The following ADPRHL1 variants were observed in gnomAD, a reference collection of about 807,000 sequenced individuals.
ADPRHL1 encodes the protein ADP-ribosylhydrolase like 1.
Under a neutral mutation model 44.1 loss-of-function variants are expected in ADPRHL1, and 43 were observed. The ratio of observed to expected loss-of-function variants is 0.98; its 90% CI spans 0.76 to 1.26. ADPRHL1 has a LOEUF of 1.26. Ranked by LOEUF, ADPRHL1 falls within the 50% of genes most tolerant of loss-of-function variation. The pLI, the probability that ADPRHL1 is intolerant of heterozygous loss-of-function variation, is 0.00. For synonymous variants in ADPRHL1, 878 were observed against 1,017.4 expected (o/e 0.86, Z 2.61); for missense variants, 2,022 against 2,496.9 (o/e 0.81, Z 4.05).
chr13:113,399,884 C>A lies in ADPRHL1; in HGVS notation c.*3494G>T, dbSNP rs2043743280. The A allele has an allele frequency of 6.6e-6, 1 of 151,842 alleles. No individual in the cohort carries two copies. The highest frequency in any genetic ancestry group is 6.6e-5 in the Admixed American group (1 of 15,216). The allele number at this position is 151,842 out of a possible 1,614,324, so 9.4% of individuals were successfully genotyped here. A position where few individuals can be genotyped will look rare whatever the true frequency, so the allele number is the denominator to read the frequency against. On this transcript the variant is annotated 3_prime_UTR_variant, in exon 8 of 8. Transcript: ENST00000612156. The stretch of plus-strand genomic sequence containing the variant: ...GAGCGTGTAAAATCCCAGACAACGA[C>A]CCTCCCTGAGCGAGTGTCCTGAACA...
rs955332000 is a variant in ADPRHL1 at position 113,404,848 on chromosome 13, C to G, written c.4434G>C (p.Gly1478=). 1 of 1,248,386 alleles carries G rather than the reference C, an allele frequency of 8.0e-7. No individual in the cohort carries two copies. The highest frequency in any genetic ancestry group is 3.7e-5 in the South Asian group (1 of 27,376). The allele number at this position is 1,248,386 out of a possible 1,614,324, so 77.3% of individuals were successfully genotyped here. A position where few individuals can be genotyped will look rare whatever the true frequency, so the allele number is the denominator to read the frequency against. The stretch of plus-strand genomic sequence containing the variant: ...GTCCTTGGGCTGCCGGGCTTCCCGG[C>G]CCCTCGGGCTCCCCTGGAGGCACAG... ...NPAVPPGEPE[G]PGSPAAQGQA... The change falls in exon 8 of 8, where the codon GGG becomes GGC. Residue 1478 remains glycine, a synonymous_variant. Coordinates refer to ENST00000612156, the MANE Select transcript of ADPRHL1 (RefSeq NM_001394807.1).
chr13:113,415,243 G>A (rs1390993817), intron 7 of ADPRHL1, among the ~76,000 whole-genome samples: 3 of 152,206 alleles, frequency 2.0e-5, no homozygotes, highest in Non-Finnish European at 2.9e-5. Context: ...GGACCTGCCC[G>A]TGTCCGGGTG....
chr13:113,425,971 A>G (rs962587176), intron 4 of ADPRHL1, among the ~76,000 whole-genome samples: 1 of 152,218 alleles, frequency 6.6e-6, no homozygotes, highest in African/African-American at 2.4e-5. Flanking sequence ...GTGAGCCACC[A>G]TGCCCAGCCT....
chr13:113,430,860 C>T lies in ADPRHL1; in HGVS notation c.506-1768G>A, dbSNP rs548173746. Among the ~76,000 whole-genome samples, 10 of 152,226 alleles carry T rather than the reference C, an allele frequency of 6.6e-5. No homozygotes were observed. The East Asian group carries it at 9.7e-4, about 15-fold the overall frequency. On this transcript the variant is annotated intron_variant, in intron 3 of 7. Coordinates refer to ENST00000612156, the MANE Select transcript of ADPRHL1 (RefSeq NM_001394807.1). ...TGTGGTGGTGGCAGTAGTTACAGTG[C>T]GAGTGGCCATGCAGGGGAGCAGTGA...
intron 1 of ADPRHL1, among the ~76,000 whole-genome samples, chr13:113,450,930 A>G (rs1268336249): frequency 6.7e-6 from 1 of 149,196 alleles, no homozygotes; most frequent in Non-Finnish European, 1.5e-5. Context: ...AGTCTTCTCT[A>G]AACTCCCCTG....
rs1261788933 is a variant in ADPRHL1 at position 113,403,780 on chromosome 13, C to T, written c.5502G>A (p.Arg1834=). 1 of 1,233,356 alleles carries T rather than the reference C, an allele frequency of 8.1e-7. No homozygotes were observed. The highest frequency in any genetic ancestry group is 3.2e-5 in the East Asian group (1 of 31,742). 76.4% of individuals were successfully genotyped at this position (1,233,356 alleles called of 1,614,324 possible). A position where few individuals can be genotyped will look rare whatever the true frequency, so the allele number is the denominator to read the frequency against. ...GGGCTGGGCTTCTGGACCCCCCACT[C>T]CTGCCAGCAGCATCCACTCCCTCAG... ...GIAEGVDAAG[R]SGGSRSPAPR... The change falls in exon 8 of 8, where the codon AGG becomes AGA. Residue 1834 remains arginine, a synonymous_variant. Coordinates refer to ENST00000612156, the MANE Select transcript of ADPRHL1 (RefSeq NM_001394807.1).
At position 113,453,147 on chromosome 13, in the gene ADPRHL1, C is replaced by T. The variant is rs1014746371; in HGVS notation, c.214+77G>A. 1.2e-5 allele frequency: 18 copies of T among 1,530,554 alleles called. No homozygotes were observed. The highest frequency in any genetic ancestry group is 1.4e-5 in the African/African-American group (1 of 73,088). The allele number at this position is 1,530,554 out of a possible 1,614,324, so 94.8% of individuals were successfully genotyped here. On this transcript the variant is annotated intron_variant, in intron 1 of 7. Coordinates refer to ENST00000612156, the MANE Select transcript of ADPRHL1 (RefSeq NM_001394807.1). This position sits in a 1 kb window ranked among gnomAD's most constrained non-coding sequence, Gnocchi z 5.4. Reference sequence around the variant, plus strand: ...AGGACCGCACTGCCTTCAAAGCTCTCGGAGGCTTACTGGGAGAACTCGAGC... The same window carrying T: ...AGGACCGCACTGCCTTCAAAGCTCTTGGAGGCTTACTGGGAGAACTCGAGC...
Position 113,404,386 on chromosome 13 carries a change from G to T in ADPRHL1, c.4896C>A (p.Thr1632=). ...IKAQKWAQEQ[T]QKGAQERVQG... is the part of the protein sequence containing the mutation. ...GAACCCGTTCCTGAGCCCCTTTCTG[G>T]GTCTGTTCCTGAGCCCATTTCTGGG... Residue 1632 remains threonine (T), a synonymous_variant, in exon 8 of 8, where the codon ACC becomes ACA. Transcript: ENST00000612156. 3 of 1,319,724 alleles carry T rather than the reference G, an allele frequency of 2.3e-6. No homozygotes were observed. Among genetic ancestry groups the T allele is most frequent in the Non-Finnish European group, 2.9e-6 (3 of 1,042,578 alleles). 81.8% of individuals were successfully genotyped at this position (1,319,724 alleles called of 1,614,324 possible).
intron 7 of ADPRHL1, among the ~76,000 whole-genome samples, chr13:113,416,937 A>G (rs1259122712): frequency 6.6e-6 from 1 of 152,234 alleles, no homozygotes; most frequent in Non-Finnish European, 1.5e-5. Flanking sequence ...GAGTGTGTGC[A>G]GTGAGAGATG....
chr13:113,443,613 T>C (rs912728525), intron 2 of ADPRHL1, among the ~76,000 whole-genome samples: 8 of 149,594 alleles, frequency 5.3e-5, no homozygotes, highest in Admixed American at 1.3e-4. Flanking sequence ...AGTGAGACCC[T>C]GTCTACAAAA....
At chr13:113,436,369 T>C (rs1291065602) in intron 2 of ADPRHL1, among the ~76,000 whole-genome samples, 90 of 58,134 alleles carry the variant, frequency 1.5e-3, no homozygotes, top group Middle Eastern at 0.015. Flanking sequence ...AGCACCCAGG[T>C]GTAGGGTGAA....
intron 4 of ADPRHL1, among the ~76,000 whole-genome samples, chr13:113,426,014 G>C (rs973937257): frequency 6.6e-6 from 1 of 152,224 alleles, no homozygotes; most frequent in African/African-American, 2.4e-5. Context: ...AAGCAAGATG[G>C]AGATGGGGCA....
chr13:113,444,908 C>A (rs1224515995), intron 1 of ADPRHL1, among the ~76,000 whole-genome samples: 1 of 152,202 alleles, frequency 6.6e-6, no homozygotes, highest in Non-Finnish European at 1.5e-5. Flanking sequence ...CAGGCGTGAG[C>A]CACTGCACCC....
At chr13:113,417,445 C>A (rs895470597) in intron 7 of ADPRHL1, among the ~76,000 whole-genome samples, 4 of 152,250 alleles carry the variant, frequency 2.6e-5, no homozygotes, top group Admixed American at 2.0e-4. Context: ...AGAACGTTCG[C>A]GATGTGTGTG....
intron 3 of ADPRHL1, among the ~76,000 whole-genome samples, chr13:113,431,948 C>A (rs1389514913): frequency 6.6e-6 from 1 of 152,202 alleles, no homozygotes; most frequent in Non-Finnish European, 1.5e-5. Flanking sequence ...AACTCCTGAC[C>A]TCAGGTGATC....
intron 1 of ADPRHL1, among the ~76,000 whole-genome samples, chr13:113,447,792 G>A (rs560358721): frequency 3.3e-5 from 5 of 152,254 alleles, no homozygotes; most frequent in East Asian, 1.9e-4. Context: ...GCCTGCACCC[G>A]AAACCCCTGG....
intron 2 of ADPRHL1, among the ~76,000 whole-genome samples, chr13:113,437,855 G>C (rs1216229732): frequency 6.6e-6 from 1 of 152,146 alleles, no homozygotes; most frequent in Non-Finnish European, 1.5e-5. Context: ...TGTTTGAGAT[G>C]GAGTCTTGCT....
At chr13:113,415,635 C>T (rs1340320883) in intron 7 of ADPRHL1, among the ~76,000 whole-genome samples, 1 of 151,660 alleles carries the variant, frequency 6.6e-6, no homozygotes, top group Non-Finnish European at 1.5e-5. Flanking sequence ...CCTGTAGTCC[C>T]AGCTACTCAG....
chr13:113,408,362 G>C lies in ADPRHL1; in HGVS notation c.1062-142C>G, dbSNP rs1241038066. 6 of 887,238 alleles carry C rather than the reference G, an allele frequency of 6.8e-6. No homozygotes were observed. The South Asian group carries it at 2.4e-4, about 35-fold the overall frequency. The allele number at this position is 887,238 out of a possible 1,614,324, so 55.0% of individuals were successfully genotyped here. ...GAGAAAAAGAGATTAGGAGCCAGGA[G>C]CTGTGGCTTCTGGGCTGTCTCTGCT... On this transcript the variant is annotated intron_variant, in intron 7 of 7. Coordinates refer to ENST00000612156, the MANE Select transcript of ADPRHL1 (RefSeq NM_001394807.1).
Sources: gnomAD v4.1 joint callset for allele counts (sites outside exome capture counted in the v4.1 genomes callset) on GRCh38, gnomAD v4.1.1 for gene constraint, Gnocchi (gnomAD v3.1) non-coding constraint, MANE v1.5 for transcripts, NCBI Gene and HGNC (gene_info 2026-07-23, HGNC 2026-07-21) for gene names.